DST: variants seen among roughly 807,000 people sequenced by gnomAD.
The protein encoded by DST is dystonin.
DST carries 253 observed loss-of-function variants against 875.2 expected under a neutral mutation model. The ratio of observed to expected loss-of-function variants is 0.29; its 90% CI spans 0.26 to 0.32. The LOEUF is 0.32. Ranked by LOEUF, DST falls within the 10% of genes least tolerant of loss-of-function variation. DST has a pLI of 1.00. For missense variants in DST, 8,287 were observed against 9,111.6 expected (o/e 0.91, Z 3.68); for synonymous variants, 3,124 against 3,197.1 (o/e 0.98, Z 0.77).
intron 3 of DST, among the ~76,000 whole-genome samples, chr6:56,852,413 C>T (rs552240480): frequency 1.6e-4 from 24 of 152,338 alleles, no homozygotes; most frequent in African/African-American, 5.8e-4. Flanking sequence ...TTCTCAGCTC[C>T]TGGTCATTAC....
chr6:56,693,356 C>T, intron 9 of DST: 1 of 1,151,242 alleles, frequency 8.7e-7, no homozygotes, highest in Non-Finnish European at 1.1e-6. Flanking sequence ...CGGTCCGTGT[C>T]TCATTAGACA....
At chr6:56,570,196 C>G (rs2097758645) in intron 53 of DST, among the ~76,000 whole-genome samples, 184 bp from the exon 54 acceptor site, 1 of 152,096 alleles carries the variant, frequency 6.6e-6, no homozygotes, top group South Asian at 2.1e-4. Context: ...CTTTCAGGTA[C>G]CAGGGACCAG....
intron 36 of DST, chr6:56,618,391 A>G (rs749309427): frequency 3.1e-6 from 5 of 1,614,096 alleles, no homozygotes; most frequent in Non-Finnish European, 3.4e-6. Flanking sequence ...TCATCTCAAA[A>G]TCTGGTTTGA....
At chr6:56,626,459 G>A (rs956229518) in intron 34 of DST, among the ~76,000 whole-genome samples, 13 of 152,114 alleles carry the variant, frequency 8.5e-5, no homozygotes, top group African/African-American at 3.1e-4. Context: ...GTAACATGCT[G>A]TACAGGTTTA....
intron 103 of DST, among the ~76,000 whole-genome samples, chr6:56,459,477 C>T (rs1358458340): frequency 6.6e-6 from 1 of 152,146 alleles, no homozygotes; most frequent in Non-Finnish European, 1.5e-5. Flanking sequence ...GCTAGATTTC[C>T]AACTACAAGG....
intron 4 of DST, among the ~76,000 whole-genome samples, chr6:56,763,526 G>T (rs2099623042): frequency 6.6e-6 from 1 of 151,994 alleles, no homozygotes; most frequent in African/African-American, 2.4e-5. Context: ...ACAAAAATTA[G>T]CCAGGCATGG....
At position 56,501,828 on chromosome 6, in the gene DST, T is replaced by C. The variant is rs780276222; in HGVS notation, c.19567-135A>G. 8.9e-6 allele frequency: 5 copies of C among 561,074 alleles called. No individual in the cohort carries two copies. In the South Asian group the frequency reaches 1.0e-4, roughly 12 times the overall value. 34.8% of individuals were successfully genotyped at this position (561,074 alleles called of 1,614,324 possible). A position where few individuals can be genotyped will look rare whatever the true frequency, so the allele number is the denominator to read the frequency against. On this transcript the variant is annotated intron_variant, in intron 78 of 103. Coordinates refer to ENST00000680361, the MANE Select transcript of DST (RefSeq NM_001374736.1). Reference sequence around the variant, plus strand: ...GGTGACGCAAAGTAAAAATCTCACATGAGGCTTACCAATGGAAGAATTATA... The same window carrying C: ...GGTGACGCAAAGTAAAAATCTCACACGAGGCTTACCAATGGAAGAATTATA...
chr6:56,900,673 G>A, intron 2 of DST, 52 bp from the exon 3 acceptor site: 2 of 1,309,294 alleles, frequency 1.5e-6, no homozygotes, highest in Admixed American at 2.1e-5. Flanking sequence ...GAGTTAGTCT[G>A]GAAGTTCTCC....
At chr6:56,470,306 A>T in intron 95 of DST, 24 bp from the exon 96 acceptor site, 7 of 1,560,482 alleles carry the variant, frequency 4.5e-6, no homozygotes, top group Non-Finnish European at 6.1e-6. Flanking sequence ...AACAATGGTA[A>T]GTAGTGACTT....
intron 4 of DST, among the ~76,000 whole-genome samples, chr6:56,818,019 T>C (rs567579413): frequency 3.3e-5 from 5 of 152,050 alleles, no homozygotes; most frequent in South Asian, 4.2e-4. Flanking sequence ...GGAAGTGACA[T>C]AGCCATGAGC....
At chr6:56,872,907 G>GT (rs923082731) in intron 3 of DST, among the ~76,000 whole-genome samples, 2 of 126,718 alleles carry the variant, frequency 1.6e-5, no homozygotes, top group Non-Finnish European at 3.1e-5. Context: ...TCTATTTTTA[G>GT]TTTTTTGAGG....
At position 56,631,960 on chromosome 6, in the gene DST, G is replaced by T; in HGVS notation, c.3886C>A (p.Arg1296=). 6.2e-7 allele frequency: 1 copy of T among 1,613,290 alleles called. No individual in the cohort carries two copies. Among genetic ancestry groups the T allele is most frequent in the Non-Finnish European group, 8.5e-7 (1 of 1,179,322 alleles). ...GGAGTTCGAATCTGTCTAATCAGCC[G>T]ATCTTCACAGTTCTCTAACCGAAGT... ...IRLRLENCED[R]LIRQIRTPLE... is the part of the protein sequence containing the mutation. The change falls in exon 29 of 104, where the codon CGG becomes AGG. Residue 1296 remains arginine, a synonymous_variant. Transcript: ENST00000680361.
Position 56,527,556 on chromosome 6 carries a change from T to G in DST, c.17859A>C (p.Leu5953Phe). ...CTWLDKVEVE[L>F]LSYETQVLKG... ...TCAGAACCTGAGTTTCATATGAAAG[T>G]AATTCCACCTCCACTTTGTCCAGCC... Residue 5953 changes from leucine (L) to phenylalanine (F), a missense_variant, in exon 68 of 104, where the codon TTA becomes TTC. Physicochemically the swap from Leu to Phe is conservative, Grantham distance 22. Around this residue, in one of 10 missense-constraint regions of DST, gnomAD observed 777 missense variants for 764.8 expected, o/e 1.02. Coordinates refer to ENST00000680361, the MANE Select transcript of DST (RefSeq NM_001374736.1). 1 of 1,613,818 alleles carries G rather than the reference T, an allele frequency of 6.2e-7. No individual in the cohort carries two copies. The highest frequency in any genetic ancestry group is 8.5e-7 in the Non-Finnish European group (1 of 1,179,850).
In DST at chr6:56,657,696, C is replaced by A. The variant is rs1056522165; in HGVS notation, c.1215-6452G>T. ...TACAACAAAGTAAATGTACTTAATG[C>A]CACTTAACTATCAACTTAAAACTGA... On this transcript the variant is annotated intron_variant, in intron 10 of 103. Coordinates refer to ENST00000680361, the MANE Select transcript of DST (RefSeq NM_001374736.1). 2.0e-5 allele frequency among the ~76,000 whole-genome samples: 3 copies of A among 152,222 alleles called. No homozygotes were observed. The South Asian group carries it at 6.2e-4, about 32-fold the overall frequency.
At chr6:56,873,675 G>T (rs2127616764) in intron 3 of DST, among the ~76,000 whole-genome samples, 1 of 152,296 alleles carries the variant, frequency 6.6e-6, no homozygotes, top group Non-Finnish European at 1.5e-5. Context: ...ATCTCATGAA[G>T]ATAGAGAATT....
chr6:56,918,134 T>C (rs55907996), intron 2 of DST, among the ~76,000 whole-genome samples: 2,832 of 96,752 alleles, frequency 0.029, 83 homozygotes, highest in African/African-American at 0.11. Context: ...TTTTTTTTTC[T>C]TTTTTTTTTT....
Position 56,515,442 on chromosome 6 carries a change from A to G in DST, c.18576+8T>C. The G allele has an allele frequency of 6.2e-7, 1 of 1,613,440 alleles. No homozygotes were observed. Among genetic ancestry groups the G allele is most frequent in the South Asian group, 1.1e-5 (1 of 91,030 alleles). On this transcript the variant is annotated splice_region_variant and intron_variant, in intron 72 of 103. Transcript: ENST00000680361. The stretch of plus-strand genomic sequence containing the variant: ...GGAATACAATATTCTCTTTCACACC[A>G]GGCTTACCCGATGTTCTTCCTGCTG...
At chr6:56,729,282 T>C (rs1419084726) in intron 5 of DST, among the ~76,000 whole-genome samples, 1 of 152,182 alleles carries the variant, frequency 6.6e-6, no homozygotes, top group African/African-American at 2.4e-5. Flanking sequence ...CTTTATAAAG[T>C]TGATGCTTCA....
intron 63 of DST, among the ~76,000 whole-genome samples, chr6:56,534,000 A>G (rs1011341121): frequency 6.6e-6 from 1 of 152,102 alleles, no homozygotes; most frequent in African/African-American, 2.4e-5. Context: ...TGATGTATGT[A>G]TACATTGTGG....
Sources: allele counts gnomAD v4.1 joint callset (sites outside exome capture counted in the v4.1 genomes callset), GRCh38; gene constraint gnomAD v4.1.1; regional missense constraint gnomAD v4.1.1; transcripts MANE v1.5; gene names NCBI Gene and HGNC (gene_info 2026-07-23, HGNC 2026-07-21).